Variants in IBSP observed in about 807,000 individuals in gnomAD.
The protein encoded by IBSP is integrin-binding sialoprotein.
IBSP carries 19 observed loss-of-function variants against 25.5 expected under a neutral mutation model. That is an observed-to-expected ratio of 0.74 (90% CI 0.52 to 1.09). The LOEUF is 1.09. Among genes scored for constraint, IBSP ranks in the 50% least tolerant of loss-of-function variants. IBSP has a pLI of 0.00. For synonymous variants in IBSP, 144 were observed against 137.6 expected (o/e 1.05, Z -0.33); for missense variants, 360 against 382.3 (o/e 0.94, Z 0.49).
intron 1 of IBSP, among the ~76,000 whole-genome samples, chr4:87,800,072 A>G (rs1721992897): frequency 6.6e-6 from 1 of 152,192 alleles, no homozygotes; most frequent in Non-Finnish European, 1.5e-5. Flanking sequence ...GATGTTTCCT[A>G]TAGCTCTAAA....
At position 87,811,502 on chromosome 4, in the gene IBSP, C is replaced by G. The variant is rs1722170767; in HGVS notation, c.546C>G (p.Asn182Lys). ...AAGGCATAAACGGCACCAGTACCAA[C>G]AGCACAGAGGCAGAAAACGGCAACG... ...NEQGINGTST[N>K]STEAENGNGS... Residue 182 changes from asparagine (N) to lysine (K), a missense_variant, in exon 7 of 7, where the codon AAC becomes AAG. Asn to Lys is a moderately conservative substitution (Grantham distance 94). Transcript: ENST00000226284. 1 of 1,614,020 alleles carries G rather than the reference C, an allele frequency of 6.2e-7. No individual in the cohort carries two copies. Among genetic ancestry groups the G allele is most frequent in the Admixed American group, 1.7e-5 (1 of 59,998 alleles).
chr4:87,803,429 G>A (rs144396552), intron 4 of IBSP, among the ~76,000 whole-genome samples: 92 of 152,232 alleles, frequency 6.0e-4, no homozygotes, highest in African/African-American at 1.9e-3. Context: ...CAATTTTGCC[G>A]GGTTACCTGT....
intron 1 of IBSP, among the ~76,000 whole-genome samples, chr4:87,801,154 A>G (rs1006992001): frequency 6.6e-6 from 1 of 152,156 alleles, no homozygotes. Context: ...AAGATTATTC[A>G]GGCCCTATTC....
At chr4:87,805,384 G>A (rs1722075295) in intron 4 of IBSP, among the ~76,000 whole-genome samples, 1 of 152,036 alleles carries the variant, frequency 6.6e-6, no homozygotes, top group African/African-American at 2.4e-5. Context: ...CACTGAACTT[G>A]TTAGAGGGAT....
Position 87,810,671 on chromosome 4 carries a change from T to A in IBSP, c.312T>A (p.Asn104Lys). 6.2e-7 allele frequency: 1 copy of A among 1,613,762 alleles called. No homozygotes were observed. Among genetic ancestry groups the A allele is most frequent in the South Asian group, 1.1e-5 (1 of 91,062 alleles). ...AAGATGAAGACTCTGAGGCTGAGAA[T>A]ACCACACTTTCTGCTACAACACTGG... is the stretch of plus-strand genomic sequence containing the variant. Reference protein sequence around the residue: ...SNEDEDSEAENTTLSATTLGY... With the variant: ...SNEDEDSEAEKTTLSATTLGY... Residue 104 changes from asparagine to lysine, a missense_variant, in exon 6 of 7, where the codon AAT becomes AAA. Asn to Lys is a moderately conservative substitution (Grantham distance 94, BLOSUM62 0). Coordinates refer to ENST00000226284, the MANE Select transcript of IBSP (RefSeq NM_004967.4).
chr4:87,805,114 C>T (rs1217541886), intron 4 of IBSP, among the ~76,000 whole-genome samples: 2 of 152,108 alleles, frequency 1.3e-5, no homozygotes, highest in African/African-American at 4.8e-5. Flanking sequence ...GAAGAATGAG[C>T]CAGCAGGGAC....
At position 87,812,137 on chromosome 4, in the gene IBSP, A is replaced by T; in HGVS notation, c.*227A>T. On this transcript the variant is annotated 3_prime_UTR_variant, in exon 7 of 7. Transcript: ENST00000226284. The stretch of plus-strand genomic sequence containing the variant: ...TGTAAATCAGGACCATTTATCAAGC[A>T]GTACACCAACTCATAAGATCAAATT... The T allele has an allele frequency of 2.3e-6, 1 of 426,724 alleles. No homozygotes were observed. The highest frequency in any genetic ancestry group is 4.1e-6 in the Non-Finnish European group (1 of 244,950). 26.4% of individuals were successfully genotyped at this position (426,724 alleles called of 1,614,324 possible).
intron 4 of IBSP, among the ~76,000 whole-genome samples, chr4:87,804,238 TTTTC>T (rs1722061631): frequency 6.6e-6 from 1 of 152,184 alleles, no homozygotes; most frequent in South Asian, 2.1e-4. Flanking sequence ...CAAAATTTGA[TTTTC>T]TTTAAGTGTA....
At chr4:87,805,093 T>C (rs1301696959) in intron 4 of IBSP, among the ~76,000 whole-genome samples, 1 of 152,162 alleles carries the variant, frequency 6.6e-6, no homozygotes, top group Non-Finnish European at 1.5e-5. Flanking sequence ...GGGTGGATGA[T>C]GTGGCCATCT....
intron 4 of IBSP, among the ~76,000 whole-genome samples, chr4:87,805,690 T>C (rs1394230544): frequency 3.3e-5 from 5 of 152,348 alleles, no homozygotes; most frequent in African/African-American, 1.2e-4. Context: ...GCCTTGAACC[T>C]GCTGGAGAAG....
chr4:87,803,774 G>A (rs1722055396), intron 4 of IBSP, among the ~76,000 whole-genome samples: 1 of 151,058 alleles, frequency 6.6e-6, no homozygotes. Flanking sequence ...CAAGAGTTGT[G>A]GGTTTTCAGA....
chr4:87,806,507 A>G (rs185552900), intron 5 of IBSP, among the ~76,000 whole-genome samples: 20 of 152,338 alleles, frequency 1.3e-4, no homozygotes, highest in African/African-American at 4.6e-4. Context: ...AACAGATAGC[A>G]TTACTTCTAT....
chr4:87,809,644 T>A (rs1166274047), intron 5 of IBSP, among the ~76,000 whole-genome samples: 1 of 152,258 alleles, frequency 6.6e-6, no homozygotes, highest in Non-Finnish European at 1.5e-5. Context: ...AACAAACATG[T>A]GGTGCTTTAG....
In IBSP at chr4:87,811,879, A is replaced by G. The variant is rs1217468930; in HGVS notation, c.923A>G (p.Tyr308Cys). The G allele has an allele frequency of 1.9e-6, 3 of 1,541,068 alleles. No homozygotes were observed. Among genetic ancestry groups the G allele is most frequent in the Admixed American group, 2.0e-5 (1 of 49,970 alleles). The change falls in exon 7 of 7, where the codon TAT (tyrosine) becomes TGT (cysteine). Residue 308 changes from tyrosine to cysteine, a missense_variant. By Grantham distance (194) the Tyr-to-Cys change is radical (BLOSUM62 -2). Coordinates refer to ENST00000226284, the MANE Select transcript of IBSP (RefSeq NM_004967.4). ...SYFKGQGYDG[Y>C]DGQNYYHHQ ...TTTAAAGGACAAGGCTACGATGGCT[A>G]TGATGGTCAGAATTACTACCACCAC... is the stretch of plus-strand genomic sequence containing the variant.
chr4:87,800,751 T>C (rs985648821), intron 1 of IBSP, among the ~76,000 whole-genome samples: 2 of 152,186 alleles, frequency 1.3e-5, no homozygotes, highest in African/African-American at 2.4e-5. Flanking sequence ...TAGTGTCAGA[T>C]ACTCAGTAAG....
chr4:87,808,470 C>T (rs893720002), intron 5 of IBSP, among the ~76,000 whole-genome samples: 6 of 152,076 alleles, frequency 3.9e-5, no homozygotes, highest in African/African-American at 9.7e-5. Context: ...AGTGAGCCAC[C>T]GCGCCCAGAC....
Position 87,812,110 on chromosome 4 carries a change from A to T in IBSP, c.*200A>T. The T allele has an allele frequency of 2.2e-6, 1 of 463,330 alleles. No homozygotes were observed. Among genetic ancestry groups the T allele is most frequent in the Non-Finnish European group, 3.7e-6 (1 of 266,984 alleles). 28.7% of individuals were successfully genotyped at this position (463,330 alleles called of 1,614,324 possible). On this transcript the variant is annotated 3_prime_UTR_variant, in exon 7 of 7. Coordinates refer to ENST00000226284, the MANE Select transcript of IBSP (RefSeq NM_004967.4). ...TTTTCTGGCATGTTATGGAATGATC[A>T]TTGTAAATCAGGACCATTTATCAAG...
Position 87,811,376 on chromosome 4 carries a change from A to C in IBSP, c.420A>C (p.Thr140=). 6.2e-7 allele frequency: 1 copy of C among 1,609,674 alleles called. No homozygotes were observed. Among genetic ancestry groups the C allele is most frequent in the Non-Finnish European group, 8.5e-7 (1 of 1,178,620 alleles). ...IQLPKKAGDI[T]NKATKEKESD... is the part of the protein sequence containing the mutation. ...TTTCCTTACAGGCTGGGGATATAAC[A>C]AATAAAGCTACAAAAGAGAAGGAAA... The change falls in exon 7 of 7, where the codon ACA becomes ACC. Residue 140 remains threonine, a synonymous_variant. Coordinates refer to ENST00000226284, the MANE Select transcript of IBSP (RefSeq NM_004967.4).
intron 1 of IBSP, among the ~76,000 whole-genome samples, chr4:87,800,647 A>G (rs1722000337): frequency 6.6e-6 from 1 of 152,138 alleles, no homozygotes; most frequent in African/African-American, 2.4e-5. Context: ...CTAAGATAGG[A>G]CTGTGAGAAA....
Sources: allele counts gnomAD v4.1 joint callset (sites outside exome capture counted in the v4.1 genomes callset), GRCh38; gene constraint gnomAD v4.1.1; transcripts MANE v1.5; gene names NCBI Gene and HGNC (gene_info 2026-07-23, HGNC 2026-07-21).